The following SYBU variants were observed in gnomAD, a reference collection of about 807,000 sequenced individuals.
SYBU encodes the protein syntabulin, also known as GOLSYN A protein.
A neutral mutation model predicts 35.9 loss-of-function variants in SYBU; 21 were observed. That is an observed-to-expected ratio of 0.58 (90% CI 0.41 to 0.84). The LOEUF (loss-of-function observed/expected upper bound fraction) is 0.84, where lower values mean the gene tolerates loss of function less well. Ranked by LOEUF, SYBU falls within the 40% of genes least tolerant of loss-of-function variation. The pLI is 0.00. For missense variants in SYBU, 768 were observed against 848.2 expected, an observed-to-expected ratio of 0.91 and a Z score of 1.17; for synonymous variants, 319 against 324.3, an observed-to-expected ratio of 0.98 and a Z score of 0.18.
intron 3 of SYBU, chr8:109,603,347 G>A: frequency 1.1e-5 from 11 of 957,444 alleles, no homozygotes; most frequent in Non-Finnish European, 1.4e-5. Context: ...AATGAATGAA[G>A]CATACTCACA....
At position 109,619,620 on chromosome 8, in the gene SYBU, T is replaced by C. The variant is rs146899708; in HGVS notation, c.230-581A>G. Among the ~76,000 whole-genome samples, 536 of 152,354 alleles carry C rather than the reference T, an allele frequency of 3.5e-3. 3 individuals carry two copies. Among genetic ancestry groups the C allele is most frequent in the African/African-American group, 0.012 (511 of 41,580 alleles). ...TTCAACACTTTATATAGTGTATTTT[T>C]GGGTCATATGTGTCCATAGATTTTT... On this transcript the variant is annotated intron_variant, in intron 2 of 6. Transcript: ENST00000276646.
upstream of SYBU, among the ~76,000 whole-genome samples, chr8:109,648,275 A>ATATATAAT (rs1554625566): frequency 1.4e-5 from 2 of 144,990 alleles, no homozygotes; most frequent in African/African-American, 5.1e-5. Context: ...ATATATATAT[A>ATATATAAT]ATATATATAT....
chr8:109,608,679 G>A (rs2130192343), intron 3 of SYBU, among the ~76,000 whole-genome samples: 1 of 152,286 alleles, frequency 6.6e-6, no homozygotes. Flanking sequence ...ATCTGTGACA[G>A]AATAAGACTA....
Position 109,579,783 on chromosome 8 carries a change from G to A in SYBU, c.734+16C>T, listed in dbSNP as rs1411367138. The A allele has an allele frequency of 1.2e-6, 2 of 1,610,192 alleles. No individual in the cohort carries two copies. Among genetic ancestry groups the A allele is most frequent in the African/African-American group, 2.7e-5 (2 of 74,892 alleles). On this transcript the variant is annotated intron_variant, in intron 5 of 6. Coordinates refer to ENST00000276646, the MANE Select transcript of SYBU (RefSeq NM_001099754.2). ...AGGACAAACTAAGATGCATGAATTA[G>A]GTGAGCAGGACTCACCTCATGATGG... is the stretch of plus-strand genomic sequence containing the variant.
At chr8:109,586,439 G>T in intron 3 of SYBU, 1 of 400,510 alleles carries the variant, frequency 2.5e-6, no homozygotes, top group Non-Finnish European at 4.5e-6. Flanking sequence ...TGACCCAAGT[G>T]CATCAAGAAA....
chr8:109,594,256 C>T (rs1232007284), intron 3 of SYBU, among the ~76,000 whole-genome samples: 1 of 151,906 alleles, frequency 6.6e-6, no homozygotes, highest in African/African-American at 2.4e-5. Flanking sequence ...GAGTGAGACA[C>T]CAGGAAAGAC....
intron 1 of SYBU, among the ~76,000 whole-genome samples, chr8:109,657,200 C>A (rs1016894954): frequency 1.3e-5 from 2 of 152,072 alleles, no homozygotes; most frequent in Non-Finnish European, 2.9e-5. Context: ...CTTTTCTTAA[C>A]GGTAGAAAAT....
intron 1 of SYBU, among the ~76,000 whole-genome samples, chr8:109,663,278 T>C (rs1816636471): frequency 6.6e-6 from 1 of 150,730 alleles, no homozygotes; most frequent in South Asian, 2.1e-4. Context: ...GATAGATAGA[T>C]AGATAGATAG....
At position 109,644,786 on chromosome 8, in the gene SYBU, C is replaced by A; in HGVS notation, c.-127G>T. ...GCGGGCGGCGGCTCTTGGTGAGGCT[C>A]CAACGCGCCGCCGCCGCCACTGCCG... On this transcript the variant is annotated 5_prime_UTR_variant, in exon 1 of 7. Transcript: ENST00000276646. 1 of 953,950 alleles carries A rather than the reference C, an allele frequency of 1.0e-6. No individual in the cohort carries two copies. The highest frequency in any genetic ancestry group is 1.4e-6 in the Non-Finnish European group (1 of 710,308). The allele number at this position is 953,950 out of a possible 1,614,324, so 59.1% of individuals were successfully genotyped here.
intron 2 of SYBU, among the ~76,000 whole-genome samples, chr8:109,624,870 G>A (rs1812812924): frequency 6.6e-6 from 1 of 152,156 alleles, no homozygotes; most frequent in Non-Finnish European, 1.5e-5. Context: ...TTTATATATT[G>A]TCTATGGTGG....
At chr8:109,665,763 A>G (rs982946438) in intron 1 of SYBU, among the ~76,000 whole-genome samples, 3 of 152,220 alleles carry the variant, frequency 2.0e-5, no homozygotes, top group Non-Finnish European at 4.4e-5. Flanking sequence ...AAAATTTTAA[A>G]TGATTCCTCC....
At chr8:109,658,268 C>A (rs750291026) in intron 1 of SYBU, among the ~76,000 whole-genome samples, 9 of 152,156 alleles carry the variant, frequency 5.9e-5, no homozygotes, top group Non-Finnish European at 1.3e-4. Flanking sequence ...TAAGCTGAGG[C>A]ACTAATATAT....
chr8:109,576,901 A>G (rs1822387888), intron 6 of SYBU, among the ~76,000 whole-genome samples: 1 of 152,144 alleles, frequency 6.6e-6, no homozygotes, highest in African/African-American at 2.4e-5. Context: ...TATTTTCCCA[A>G]GTTTTGCTGC....
intron 3 of SYBU, among the ~76,000 whole-genome samples, chr8:109,594,488 G>A (rs1349146031): frequency 1.3e-5 from 2 of 151,994 alleles, no homozygotes; most frequent in African/African-American, 4.8e-5. Flanking sequence ...GACATCCAAT[G>A]GGGCCCTAAA....
At chr8:109,668,979 A>G (rs76344788) in intron 1 of SYBU, among the ~76,000 whole-genome samples, 2,882 of 152,304 alleles carry the variant, frequency 0.019, 95 homozygotes, top group African/African-American at 0.063. Context: ...AAGGGGAGAC[A>G]TTGAAAGCAG....
rs533510895 is a variant in SYBU at position 109,669,339 on chromosome 8, C to CAA, written c.-129+11370_-129+11371dup. On this transcript the variant is annotated intron_variant, in intron 1 of 5. Coordinates refer to the SYBU transcript ENST00000408889. ...CCTGGGCGACAGAGTGAGACTCCGTCAAAAAAAAAAAAAAAAAAAAAAAAA... is the reference window on the plus strand; with the variant it reads ...CCTGGGCGACAGAGTGAGACTCCGTCAAAAAAAAAAAAAAAAAAAAAAAAAAA... Among the ~76,000 whole-genome samples the CAA allele has an allele frequency of 8.5e-3, 423 of 49,692 alleles. 48 individuals carry two copies. Among genetic ancestry groups the CAA allele is most frequent in the African/African-American group, 0.018 (294 of 16,316 alleles). 32.6% of individuals were successfully genotyped at this position (49,692 alleles called of 152,430 possible). A position where few individuals can be genotyped will look rare whatever the true frequency, so the allele number is the denominator to read the frequency against.
At chr8:109,668,161 A>AC (rs1816825790) in intron 1 of SYBU, among the ~76,000 whole-genome samples, 1 of 61,430 alleles carries the variant, frequency 1.6e-5, no homozygotes, top group Non-Finnish European at 3.3e-5. Context: ...AGAGGGGGAG[A>AC]GGGGGAGAGA....
At chr8:109,679,235 T>C (rs1791296448) in intron 1 of SYBU, among the ~76,000 whole-genome samples, 1 of 152,180 alleles carries the variant, frequency 6.6e-6, no homozygotes, top group Non-Finnish European at 1.5e-5. Flanking sequence ...AACCCTAAAT[T>C]CCGGGAATTG....
intron 3 of SYBU, among the ~76,000 whole-genome samples, chr8:109,613,146 T>C (rs748709948): frequency 6.6e-6 from 1 of 152,184 alleles, no homozygotes; most frequent in Non-Finnish European, 1.5e-5. Flanking sequence ...TCTGTCCTCC[T>C]AGAGCAACTA....
Sources: gnomAD v4.1 joint callset for allele counts (sites outside exome capture counted in the v4.1 genomes callset) on GRCh38, gnomAD v4.1.1 for gene constraint, MANE v1.5 for transcripts, NCBI Gene and HGNC (gene_info 2026-07-23, HGNC 2026-07-21) for gene names.